TBC1D19: variants seen among roughly 807,000 people sequenced by gnomAD.
TBC1D19 encodes TBC1 domain family member 19.
Under a neutral mutation model 89.0 loss-of-function variants are expected in TBC1D19, and 60 were observed. The observed-to-expected ratio is 0.67, with a 90% CI of 0.55 to 0.84. TBC1D19 has a LOEUF of 0.84. Among genes scored for constraint, TBC1D19 ranks in the 40% least tolerant of loss-of-function variants. TBC1D19 has a pLI of 0.00. For synonymous variants in TBC1D19, 189 were observed against 199.7 expected (o/e 0.95, Z 0.45); for missense variants, 500 against 610.8 (o/e 0.82, Z 1.91).
intron 4 of TBC1D19, among the ~76,000 whole-genome samples, chr4:26,634,844 G>A (rs1393140457): frequency 6.6e-6 from 1 of 151,934 alleles, no homozygotes; most frequent in African/African-American, 2.4e-5. Flanking sequence ...CTGATCTCCA[G>A]AATTTTTTCC....
At chr4:26,785,899 A>G in the TBC1D19 span, among the ~76,000 whole-genome samples, 9 of 152,210 alleles carry the variant, frequency 5.9e-5, no homozygotes, top group Admixed American at 5.9e-4. Flanking sequence ...TCCACTCACC[A>G]GAGGCTTCCA....
chr4:26,701,868 A>G (rs1247143678), intron 13 of TBC1D19, among the ~76,000 whole-genome samples: 2 of 152,230 alleles, frequency 1.3e-5, no homozygotes, highest in Non-Finnish European at 2.9e-5. Flanking sequence ...CACCAAACAT[A>G]TGAACACATA....
chr4:26,748,299 C>G, intron 18 of TBC1D19, 112 bp from the exon 19 acceptor site: 1 of 710,702 alleles, frequency 1.4e-6, no homozygotes, highest in Non-Finnish European at 2.4e-6. Flanking sequence ...GTTTTAAATG[C>G]CCAGGTGATT....
chr4:26,685,553 A>G (rs943195402), intron 12 of TBC1D19, among the ~76,000 whole-genome samples: 1 of 152,220 alleles, frequency 6.6e-6, no homozygotes, highest in African/African-American at 2.4e-5. Flanking sequence ...AAAGAAAGAA[A>G]TTTGTTTAAA....
At chr4:26,751,651 C>T (rs998191907) in intron 19 of TBC1D19, among the ~76,000 whole-genome samples, 1 of 152,304 alleles carries the variant, frequency 6.6e-6, no homozygotes, top group Non-Finnish European at 1.5e-5. Context: ...TTACCATTCT[C>T]ATCTTTTTCT....
chr4:26,851,319 A>ATCTATCTG, the TBC1D19 span, among the ~76,000 whole-genome samples: 762 of 147,508 alleles, frequency 5.2e-3, 2 homozygotes, highest in East Asian at 0.014. Flanking sequence ...CTATCTATCT[A>ATCTATCTG]TCTATCTATC....
intron 14 of TBC1D19, among the ~76,000 whole-genome samples, chr4:26,718,774 C>T (rs1489139788): frequency 2.6e-5 from 4 of 152,022 alleles, no homozygotes; most frequent in Non-Finnish European, 5.9e-5. Flanking sequence ...TTTATGGAAA[C>T]CTTTTGTTTG....
chr4:26,640,172 T>C lies in TBC1D19; in HGVS notation c.465T>C (p.Pro155=). The change falls in exon 7 of 21, where the codon CCT becomes CCC. Residue 155 remains proline, a synonymous_variant. Transcript: ENST00000264866. ...DLSLFRPVYA[P]KDFLEVLINL... ...GCCTTTTCAGACCTGTTTATGCACC[T>C]AAGGATTTTCTTGAGGTAGGTTCTA... 1 of 1,609,460 alleles carries C rather than the reference T, an allele frequency of 6.2e-7. No individual in the cohort carries two copies. Among genetic ancestry groups the C allele is most frequent in the Non-Finnish European group, 8.5e-7 (1 of 1,176,556 alleles).
chr4:26,743,710 C>G (rs990582449), intron 18 of TBC1D19, among the ~76,000 whole-genome samples: 1 of 151,770 alleles, frequency 6.6e-6, no homozygotes, highest in African/African-American at 2.4e-5. Flanking sequence ...ATACCCTTTC[C>G]TTTATAGCCA....
At chr4:26,585,237 T>A in intron 1 of TBC1D19, 1 of 435,344 alleles carries the variant, frequency 2.3e-6, no homozygotes, top group Non-Finnish European at 4.6e-6. Context: ...CCAAAGTGGC[T>A]GTATCATTTT....
intron 1 of TBC1D19, among the ~76,000 whole-genome samples, chr4:26,585,982 T>A (rs1739388379): frequency 6.6e-6 from 1 of 152,152 alleles, no homozygotes; most frequent in South Asian, 2.1e-4. Context: ...GTTTTATGAT[T>A]TGTGCTTTTT....
intron 8 of TBC1D19, among the ~76,000 whole-genome samples, chr4:26,660,872 A>G (rs909117135): frequency 6.6e-6 from 1 of 152,196 alleles, no homozygotes; most frequent in African/African-American, 2.4e-5. Flanking sequence ...CCTTTAGCCT[A>G]GAAGTCATAG....
intron 15 of TBC1D19, among the ~76,000 whole-genome samples, chr4:26,724,833 C>T (rs1717205657): frequency 6.6e-6 from 1 of 152,154 alleles, no homozygotes; most frequent in Admixed American, 6.5e-5. Flanking sequence ...GCCCTCATGC[C>T]CCAAGTAGCT....
chr4:26,679,188 C>T (rs373845657), intron 11 of TBC1D19, among the ~76,000 whole-genome samples: 1 of 152,130 alleles, frequency 6.6e-6, no homozygotes, highest in Non-Finnish European at 1.5e-5. Flanking sequence ...GACAGCAGCC[C>T]CTCCCATCAC....
chr4:26,638,406 G>T (rs1413518433), intron 5 of TBC1D19, among the ~76,000 whole-genome samples: 5 of 148,352 alleles, frequency 3.4e-5, no homozygotes, highest in African/African-American at 5.3e-5. Context: ...CTGACTCTTA[G>T]TCACACTCTC....
At chr4:26,610,367 T>A (rs1741288254) in intron 1 of TBC1D19, among the ~76,000 whole-genome samples, 1 of 150,750 alleles carries the variant, frequency 6.6e-6, no homozygotes, top group Non-Finnish European at 1.5e-5. Flanking sequence ...CACAAACCCC[T>A]CCGTTTCTGA....
the TBC1D19 span, among the ~76,000 whole-genome samples, chr4:26,828,795 ACAGTGCC>A: frequency 9.2e-5 from 14 of 152,346 alleles, no homozygotes; most frequent in Admixed American, 8.5e-4. Context: ...AGGACTTAGC[ACAGTGCC>A]TGGATGTTGT....
chr4:26,805,299 A>G, the TBC1D19 span, among the ~76,000 whole-genome samples: 3 of 152,210 alleles, frequency 2.0e-5, no homozygotes, highest in Admixed American at 6.5e-5. Context: ...GATGAGGCCC[A>G]GGAATCTGTA....
the TBC1D19 span, among the ~76,000 whole-genome samples, chr4:26,784,326 A>G: frequency 1.3e-5 from 2 of 152,298 alleles, no homozygotes; most frequent in Non-Finnish European, 2.9e-5. Context: ...AGAATCTTGG[A>G]GACTGGGTCT....
Sources: allele counts gnomAD v4.1 joint callset (sites outside exome capture counted in the v4.1 genomes callset), GRCh38; gene constraint gnomAD v4.1.1; transcripts MANE v1.5; gene names NCBI Gene and HGNC (gene_info 2026-07-23, HGNC 2026-07-21).